Variants in ADARB2 observed in about 807,000 individuals in gnomAD.
ADARB2 encodes adenosine deaminase RNA specific B2 (inactive), also known as inactive double-stranded RNA-specific editase B2.
A neutral mutation model predicts 62.2 loss-of-function variants in ADARB2; 25 were observed. The observed-to-expected ratio is 0.40, with a 90% CI of 0.29 to 0.56. ADARB2 has a LOEUF of 0.56. Ranked by LOEUF, ADARB2 falls within the 20% of genes least tolerant of loss-of-function variation. ADARB2 has a pLI of 0.43. For missense variants in ADARB2, 1,071 were observed against 1,077.4 expected (o/e 0.99, Z 0.08); for synonymous variants, 572 against 500.8 (o/e 1.14, Z -1.90).
At chr10:1,183,724 G>A (rs1374418095) in intron 9 of ADARB2, among the ~76,000 whole-genome samples, 2 of 152,164 alleles carry the variant, frequency 1.3e-5, no homozygotes, top group Non-Finnish European at 2.9e-5. Context: ...TCATGTTGTC[G>A]GCTGAGCAGG....
At chr10:1,606,941 T>G (rs77853802) in intron 1 of ADARB2, among the ~76,000 whole-genome samples, 5 of 152,152 alleles carry the variant, frequency 3.3e-5, no homozygotes, top group Non-Finnish European at 5.9e-5. Context: ...GTGGGGCAAA[T>G]AGACCAGTAA....
chr10:1,538,503 TGA>T (rs1276676777), intron 1 of ADARB2, among the ~76,000 whole-genome samples: 1 of 152,182 alleles, frequency 6.6e-6, no homozygotes, highest in Non-Finnish European at 1.5e-5. Flanking sequence ...GAGCCCAGTG[TGA>T]GTTATCTCAG....
chr10:1,196,015 T>G (rs1279288850), intron 8 of ADARB2, among the ~76,000 whole-genome samples: 1 of 151,926 alleles, frequency 6.6e-6, no homozygotes, highest in Non-Finnish European at 1.5e-5. Context: ...CTTTCCAGAG[T>G]GCCTCTCTCT....
At chr10:1,658,228 TTC>T (rs924397807) in intron 1 of ADARB2, among the ~76,000 whole-genome samples, 63 of 151,382 alleles carry the variant, frequency 4.2e-4, no homozygotes, top group African/African-American at 1.3e-3. Context: ...CTCTATCTGA[TTC>T]TCTCTCTCTC....
At chr10:1,587,728 T>C (rs1342038431) in intron 1 of ADARB2, among the ~76,000 whole-genome samples, 1 of 152,224 alleles carries the variant, frequency 6.6e-6, no homozygotes, top group Non-Finnish European at 1.5e-5. Context: ...AATCTCATCT[T>C]GAATTGTAGC....
chr10:1,440,805 A>G (rs1233311483), intron 1 of ADARB2, among the ~76,000 whole-genome samples: 5 of 152,260 alleles, frequency 3.3e-5, no homozygotes, highest in African/African-American at 1.2e-4. Flanking sequence ...TGTTTTAAGT[A>G]ATGAAATGGG....
At chr10:1,280,007 G>A (rs1055545802) in intron 3 of ADARB2, among the ~76,000 whole-genome samples, 1 of 152,220 alleles carries the variant, frequency 6.6e-6, no homozygotes, top group African/African-American at 2.4e-5. Flanking sequence ...CATTTGCCAT[G>A]CAAGAAGGAT....
intron 1 of ADARB2, among the ~76,000 whole-genome samples, chr10:1,611,410 T>C (rs1320041873): frequency 6.6e-6 from 1 of 152,212 alleles, no homozygotes; most frequent in Non-Finnish European, 1.5e-5. Context: ...AAATTCACTC[T>C]CATTTCGTTG....
At chr10:1,665,375 C>T (rs866759069) in intron 1 of ADARB2, among the ~76,000 whole-genome samples, 5 of 152,354 alleles carry the variant, frequency 3.3e-5, no homozygotes, top group Middle Eastern at 6.8e-3. Flanking sequence ...AAACAGAGGA[C>T]GCACCCCGAC....
chr10:1,232,247 G>A (rs1039227588), intron 6 of ADARB2, among the ~76,000 whole-genome samples: 5 of 152,082 alleles, frequency 3.3e-5, no homozygotes, highest in African/African-American at 4.8e-5. Context: ...AGATCTGCCT[G>A]GAGCTGCTTC....
chr10:1,676,010 AGAGGCTGT>A (rs1209767134), intron 1 of ADARB2: 2 of 985,190 alleles, frequency 2.0e-6, no homozygotes, highest in African/African-American at 3.5e-5. Context: ...GACTTTGGTA[AGAGGCTGT>A]GAGTCAGGGC....
chr10:1,587,567 A>G (rs2084190775), intron 1 of ADARB2, among the ~76,000 whole-genome samples: 1 of 152,138 alleles, frequency 6.6e-6, no homozygotes, highest in South Asian at 2.1e-4. Context: ...AGCACTTACA[A>G]AGCAATATAG....
chr10:1,724,052 C>T (rs748008368), intron 1 of ADARB2, among the ~76,000 whole-genome samples: 1 of 152,178 alleles, frequency 6.6e-6, no homozygotes, highest in African/African-American at 2.4e-5. Context: ...GGTGTTCCCC[C>T]AAAATTCATG....
Position 1,212,522 on chromosome 10 carries a change from C to T in ADARB2, c.1682+4429G>A, listed in dbSNP as rs201951227. ...GTGGTGGCACCACTTCTGTCATTGT[C>T]GGGACCATGGCTGCCCCTCCTCCCC... On this transcript the variant is annotated intron_variant, in intron 7 of 9. Coordinates refer to ENST00000381312, the MANE Select transcript of ADARB2 (RefSeq NM_018702.4). 1.6e-4 allele frequency among the ~76,000 whole-genome samples: 24 copies of T among 152,322 alleles called. No homozygotes were observed. In the East Asian group the frequency reaches 3.1e-3, roughly 20 times the overall value.
At chr10:1,394,367 A>G (rs1447385801) in intron 1 of ADARB2, among the ~76,000 whole-genome samples, 1 of 152,078 alleles carries the variant, frequency 6.6e-6, no homozygotes, top group Non-Finnish European at 1.5e-5. Context: ...ACCTCTGCCT[A>G]CCTGTTGCCC....
At chr10:1,474,287 G>A (rs1003943931) in intron 1 of ADARB2, among the ~76,000 whole-genome samples, 5 of 152,176 alleles carry the variant, frequency 3.3e-5, no homozygotes, top group Non-Finnish European at 7.3e-5. Flanking sequence ...ACTCGTTCCC[G>A]GCCCTCTGGG....
At chr10:1,636,273 T>G (rs148069830) in intron 1 of ADARB2, among the ~76,000 whole-genome samples, 2 of 152,082 alleles carry the variant, frequency 1.3e-5, no homozygotes, top group Non-Finnish European at 1.5e-5. Flanking sequence ...TCCCAATACT[T>G]TGGGAGGCTG....
intron 6 of ADARB2, among the ~76,000 whole-genome samples, chr10:1,219,694 G>T (rs566963810): frequency 6.6e-6 from 1 of 151,874 alleles, no homozygotes; most frequent in African/African-American, 2.4e-5. Context: ...GGTGATAATG[G>T]AGGTAATGGT....
rs765636382 is a variant in ADARB2, at chr10:1,363,861, G to C, written c.244C>G (p.Pro82Ala). The C allele has an allele frequency of 2.0e-6, 3 of 1,509,920 alleles. No individual in the cohort carries two copies. Among genetic ancestry groups the C allele is most frequent in the Admixed American group, 2.2e-5 (1 of 44,486 alleles). 93.5% of individuals were successfully genotyped at this position (1,509,920 alleles called of 1,614,324 possible). The change falls in exon 3 of 10, where the codon CCA (proline) becomes GCA (alanine). Residue 82 changes from proline (P) to alanine (A), a missense_variant. Coordinates refer to ENST00000381312, the MANE Select transcript of ADARB2 (RefSeq NM_018702.4). ...NRNVGNLAAR[P>A]PPSGDRARGG... ...CGGGCCCGGTCCCCGGAGGGCGGTG[G>C]CCGCGCGGCCAGGTTGCCCACGTTG... is the stretch of plus-strand genomic sequence containing the variant.
Sources: gnomAD v4.1 joint callset for allele counts (sites outside exome capture counted in the v4.1 genomes callset) on GRCh38, gnomAD v4.1.1 for gene constraint, MANE v1.5 for transcripts, NCBI Gene and HGNC (gene_info 2026-07-23, HGNC 2026-07-21) for gene names.